The following PDE4B variants were observed in gnomAD, a reference collection of about 807,000 sequenced individuals.
The protein encoded by PDE4B is phosphodiesterase 4B.
In PDE4B, 20 loss-of-function variants were observed where a neutral mutation model predicts 82.2. That is an observed-to-expected ratio of 0.24 (90% CI 0.17 to 0.35). PDE4B has a LOEUF of 0.35. Ranked by LOEUF, PDE4B falls within the 10% of genes least tolerant of loss-of-function variation. PDE4B has a pLI of 1.00. For missense variants in PDE4B, 655 were observed against 907.2 expected (o/e 0.72, Z 3.57); for synonymous variants, 320 against 318.9 (o/e 1.00, Z -0.04).
intron 7 of PDE4B, among the ~76,000 whole-genome samples, chr1:66,280,916 A>G (rs865872817): frequency 6.4e-4 from 97 of 152,164 alleles, no homozygotes; most frequent in Admixed American, 4.6e-4. Flanking sequence ...GTCCAGAGAA[A>G]GCTGAGAGTG....
intron 1 of PDE4B, among the ~76,000 whole-genome samples, chr1:65,897,996 C>A (rs1320776367): frequency 1.3e-5 from 2 of 152,006 alleles, no homozygotes; most frequent in African/African-American, 2.4e-5. Flanking sequence ...TTGCAATCAT[C>A]TGTTACTTTT....
intron 3 of PDE4B, among the ~76,000 whole-genome samples, chr1:65,955,432 G>A (rs535826702): frequency 8.8e-4 from 133 of 151,996 alleles, no homozygotes; most frequent in African/African-American, 3.1e-3. Context: ...TCCTCTTATT[G>A]GAAAAACAAC....
chr1:65,856,169 A>C (rs986055982), intron 1 of PDE4B, among the ~76,000 whole-genome samples: 2 of 152,170 alleles, frequency 1.3e-5, no homozygotes, highest in Non-Finnish European at 2.9e-5. Context: ...GTGAACATGC[A>C]ATCAATGTGC....
intron 3 of PDE4B, among the ~76,000 whole-genome samples, chr1:66,215,772 TC>T (rs1650399062): frequency 6.6e-6 from 1 of 152,046 alleles, no homozygotes; most frequent in Non-Finnish European, 1.5e-5. Flanking sequence ...CCTAAGTATA[TC>T]TCTGCCTCCC....
At chr1:65,815,811 T>G (rs1319658185) in intron 1 of PDE4B, among the ~76,000 whole-genome samples, 2 of 152,196 alleles carry the variant, frequency 1.3e-5, no homozygotes, top group Non-Finnish European at 2.9e-5. Context: ...TTGGACAAAG[T>G]ATATAAAAGC....
At chr1:65,959,747 A>C (rs910239361) in intron 3 of PDE4B, among the ~76,000 whole-genome samples, 1 of 152,142 alleles carries the variant, frequency 6.6e-6, no homozygotes, top group Non-Finnish European at 1.5e-5. Flanking sequence ...ATAAATCCCC[A>C]GGCTTTCTCA....
intron 3 of PDE4B, among the ~76,000 whole-genome samples, chr1:65,939,585 T>TA (rs1648334549): frequency 6.6e-6 from 1 of 152,118 alleles, no homozygotes; most frequent in Non-Finnish European, 1.5e-5. Flanking sequence ...CTGGGGGAGA[T>TA]ATACAGTCAT....
chr1:65,964,453 G>T (rs1569835196), intron 3 of PDE4B, among the ~76,000 whole-genome samples: 1 of 152,182 alleles, frequency 6.6e-6, no homozygotes, highest in African/African-American at 2.4e-5. Context: ...TGGTATTTTT[G>T]GTTATGGCAA....
chr1:66,318,985 G>A (rs1396750171), intron 7 of PDE4B, among the ~76,000 whole-genome samples: 1 of 152,178 alleles, frequency 6.6e-6, no homozygotes, highest in African/African-American at 2.4e-5. Flanking sequence ...TTGTAAAAAT[G>A]GAGATAACTT....
chr1:66,010,360 AAG>A (rs1465248279), intron 3 of PDE4B, among the ~76,000 whole-genome samples: 2 of 151,654 alleles, frequency 1.3e-5, no homozygotes, highest in African/African-American at 4.8e-5. Context: ...TATAAAGAGA[AAG>A]AGGGGCATTT....
intron 3 of PDE4B, among the ~76,000 whole-genome samples, chr1:66,107,149 G>A (rs1002226916): frequency 6.6e-6 from 1 of 151,078 alleles, no homozygotes; most frequent in South Asian, 2.1e-4. Context: ...CTTTGTTCTC[G>A]TTGGTTTCAA....
chr1:66,233,716 A>G (rs4655828), intron 3 of PDE4B, among the ~76,000 whole-genome samples: 23,819 of 151,886 alleles, frequency 0.16, 3,390 homozygotes, highest in East Asian at 0.37. Context: ...GTGTGTGTAT[A>G]AAGGATGGAT....
At chr1:66,220,792 T>C (rs963078810) in intron 3 of PDE4B, among the ~76,000 whole-genome samples, 3 of 152,096 alleles carry the variant, frequency 2.0e-5, no homozygotes, top group African/African-American at 7.2e-5. Context: ...TAACATTGAT[T>C]GGAATTGATA....
intron 3 of PDE4B, among the ~76,000 whole-genome samples, chr1:65,923,457 G>A (rs772772035): frequency 6.6e-6 from 1 of 151,992 alleles, no homozygotes; most frequent in Non-Finnish European, 1.5e-5. Flanking sequence ...CTCTCTCTCT[G>A]TATATCTTAC....
chr1:66,165,952 G>GA (rs138170760), intron 3 of PDE4B, among the ~76,000 whole-genome samples: 16,237 of 139,298 alleles, frequency 0.12, 1,070 homozygotes, highest in East Asian at 0.16. Context: ...ACCTTGAGGG[G>GA]AAAAAAAAAA....
At chr1:65,798,693 C>T (rs1158405703) in intron 1 of PDE4B, among the ~76,000 whole-genome samples, 1 of 152,198 alleles carries the variant, frequency 6.6e-6, no homozygotes, top group Non-Finnish European at 1.5e-5. Context: ...ACCACATTAT[C>T]CATTACTATC....
At chr1:65,920,081 G>A (rs1217709861) in intron 3 of PDE4B, among the ~76,000 whole-genome samples, 1 of 152,190 alleles carries the variant, frequency 6.6e-6, no homozygotes, top group Non-Finnish European at 1.5e-5. Flanking sequence ...TCCCCTATAG[G>A]ATACTCAATC....
At chr1:65,934,974 C>CA (rs1648046902) in intron 3 of PDE4B, among the ~76,000 whole-genome samples, 1 of 152,068 alleles carries the variant, frequency 6.6e-6, no homozygotes. Context: ...CATAAAATAA[C>CA]AAACAGCAGA....
At chr1:66,243,321 A>G (rs920676692) in intron 3 of PDE4B, among the ~76,000 whole-genome samples, 3 of 152,188 alleles carry the variant, frequency 2.0e-5, no homozygotes, top group African/African-American at 7.2e-5. Context: ...AAGTTATAGT[A>G]TATTTTAGTT....
Sources: allele counts gnomAD v4.1 joint callset (sites outside exome capture counted in the v4.1 genomes callset), GRCh38; gene constraint gnomAD v4.1.1; transcripts MANE v1.5; gene names NCBI Gene and HGNC (gene_info 2026-07-23, HGNC 2026-07-21).